FBXL13: variants seen among roughly 807,000 people sequenced by gnomAD.
FBXL13 encodes the protein F-box and leucine rich repeat protein 13.
FBXL13 carries 67 observed loss-of-function variants against 83.6 expected under a neutral mutation model. The observed-to-expected ratio is 0.80, with a 90% CI of 0.66 to 0.98. The LOEUF is 0.98. FBXL13 is among the 50% of genes least tolerant of loss of function. FBXL13 has a pLI of 0.00. For missense variants in FBXL13, 822 were observed against 866.5 expected (o/e 0.95, Z 0.64); for synonymous variants, 272 against 299.5 (o/e 0.91, Z 0.95).
intron 8 of FBXL13, among the ~76,000 whole-genome samples, chr7:102,932,605 A>G (rs1263687559): frequency 6.6e-6 from 1 of 152,214 alleles, no homozygotes; most frequent in Non-Finnish European, 1.5e-5. Flanking sequence ...CGTTTTTTTG[A>G]GACAGTTGAG....
At chr7:102,851,856 T>A (rs1024655694) in intron 17 of FBXL13, among the ~76,000 whole-genome samples, 31 of 152,228 alleles carry the variant, frequency 2.0e-4, no homozygotes, top group African/African-American at 7.2e-4. Context: ...TAAGATTAGG[T>A]CTAGGAATTT....
At chr7:102,842,082 T>C (rs759192106) in intron 17 of FBXL13, among the ~76,000 whole-genome samples, 1 of 152,188 alleles carries the variant, frequency 6.6e-6, no homozygotes, top group African/African-American at 2.4e-5. Context: ...ACCTGGAGTA[T>C]TGGATGAGAA....
At chr7:102,926,225 T>A in intron 10 of FBXL13, 49 bp downstream of exon 11, 2 of 1,527,448 alleles carry the variant, frequency 1.3e-6, no homozygotes, top group Non-Finnish European at 1.8e-6. Flanking sequence ...AGCCAGAGAC[T>A]TTGGGAGCAT....
At chr7:102,912,497 G>T (rs181736593) in intron 11 of FBXL13, among the ~76,000 whole-genome samples, 21 of 152,258 alleles carry the variant, frequency 1.4e-4, no homozygotes, top group African/African-American at 5.1e-4. Context: ...CCTATCCTCT[G>T]CAACTTGATC....
exon 1 of FBXL13, chr7:103,074,322 A>G: frequency 9.8e-7 from 1 of 1,021,122 alleles, no homozygotes; most frequent in South Asian, 3.8e-5. Flanking sequence ...TCATAATGCC[A>G]GTCTGCTGAT....
chr7:102,842,609 G>C (rs1435272079), intron 17 of FBXL13, among the ~76,000 whole-genome samples: 1 of 152,216 alleles, frequency 6.6e-6, no homozygotes, highest in South Asian at 2.1e-4. Flanking sequence ...AGTTCTTGCT[G>C]TTAGAGCACA....
chr7:102,910,790 ACT>A (rs955309393), intron 11 of FBXL13, among the ~76,000 whole-genome samples: 19 of 152,124 alleles, frequency 1.2e-4, no homozygotes, highest in African/African-American at 4.6e-4. Context: ...GCAAGGTCTC[ACT>A]CTGTCTCCCA....
rs536088148 is a variant in FBXL13, at chr7:103,055,239, T to G, written c.-1+405A>C. Reference sequence around the variant, plus strand: ...TTCATTAATTAGTTAGTTCCGTAATTAAATCAGTGATTCTTGTAGGTGGAA... The same window carrying G: ...TTCATTAATTAGTTAGTTCCGTAATGAAATCAGTGATTCTTGTAGGTGGAA... On this transcript the variant is annotated intron_variant, in intron 2 of 19. Coordinates refer to ENST00000313221, the Ensembl canonical transcript of FBXL13. 1.8e-4 allele frequency: 159 copies of G among 888,802 alleles called. No homozygotes were observed. In the African/African-American group the frequency reaches 2.6e-3, roughly 15 times the overall value. 55.1% of individuals were successfully genotyped at this position (888,802 alleles called of 1,614,324 possible). A position where few individuals can be genotyped will look rare whatever the true frequency, so the allele number is the denominator to read the frequency against.
upstream of FBXL13, chr7:103,074,665 G>A (rs1363897926): frequency 4.7e-6 from 6 of 1,285,012 alleles, no homozygotes; most frequent in Non-Finnish European, 6.1e-6. Flanking sequence ...CCCACCGACG[G>A]TCTGTGTCCG....
At chr7:102,911,161 C>A (rs1262057667) in intron 11 of FBXL13, among the ~76,000 whole-genome samples, 1 of 152,224 alleles carries the variant, frequency 6.6e-6, no homozygotes, top group Admixed American at 6.5e-5. Context: ...CATCTTGCTT[C>A]ACCTCCTCCA....
intron 11 of FBXL13, among the ~76,000 whole-genome samples, chr7:102,910,486 C>T (rs568178206): frequency 5.3e-5 from 8 of 151,604 alleles, no homozygotes; most frequent in Non-Finnish European, 1.2e-4. Flanking sequence ...TGTGCTTCAG[C>T]GTGGCTCGGG....
At chr7:103,018,159 G>A (rs572345742) in intron 6 of FBXL13, among the ~76,000 whole-genome samples, 1 of 152,226 alleles carries the variant, frequency 6.6e-6, no homozygotes, top group Admixed American at 6.5e-5. Flanking sequence ...AAGAGAGTGG[G>A]GGCCAATATT....
chr7:103,062,835 G>A (rs1447709502), intron 1 of FBXL13, among the ~76,000 whole-genome samples: 4 of 152,142 alleles, frequency 2.6e-5, no homozygotes, highest in African/African-American at 9.7e-5. Context: ...ACAAGCTCAG[G>A]CTAGGGACAG....
intron 2 of FBXL13, among the ~76,000 whole-genome samples, chr7:103,052,760 T>TC (rs2129495476): frequency 6.8e-6 from 1 of 147,652 alleles, no homozygotes; most frequent in African/African-American, 2.6e-5. Context: ...CCTTTTCTTT[T>TC]TTTTTTTTTT....
rs75400151 is a variant in FBXL13, at chr7:102,865,249, C to T, written c.1636-10389G>A. On this transcript the variant is annotated intron_variant, in intron 16 of 19. Transcript: ENST00000313221. The stretch of plus-strand genomic sequence containing the variant: ...TTGGAATTCTTTGAATCAGGGTTTA[C>T]ATTTCACATGCTTCTTTCTGAAAGA... 7.8e-4 allele frequency among the ~76,000 whole-genome samples: 119 copies of T among 152,340 alleles called. 1 individual carries two copies. Among genetic ancestry groups the T allele is most frequent in the Middle Eastern group, 6.8e-3 (2 of 294 alleles).
chr7:103,029,342 C>T lies in FBXL13; in HGVS notation c.68+9G>A. ...AAAGAGGAAGAAATTGTAAAAATCA[C>T]ATTCTTACCAAAAATGAGTCTTTAC... On this transcript the variant is annotated intron_variant, in intron 3 of 19. Coordinates refer to ENST00000313221, the Ensembl canonical transcript of FBXL13. 1 of 1,515,174 alleles carries T rather than the reference C, an allele frequency of 6.6e-7. No homozygotes were observed. The highest frequency in any genetic ancestry group is 8.9e-7 in the Non-Finnish European group (1 of 1,118,394). 93.9% of individuals were successfully genotyped at this position (1,515,174 alleles called of 1,614,324 possible). A position where few individuals can be genotyped will look rare whatever the true frequency, so the allele number is the denominator to read the frequency against.
intron 6 of FBXL13, among the ~76,000 whole-genome samples, chr7:102,982,612 C>T (rs1309290582): frequency 6.6e-6 from 1 of 152,122 alleles, no homozygotes; most frequent in Non-Finnish European, 1.5e-5. Flanking sequence ...AGCATGGACC[C>T]ATTGAGGCAT....
At chr7:103,055,993 C>A (rs1333656591) in intron 1 of FBXL13, among the ~76,000 whole-genome samples, 1 of 151,886 alleles carries the variant, frequency 6.6e-6, no homozygotes, top group African/African-American at 2.4e-5. Flanking sequence ...GTCTTTCATC[C>A]CTCAAACCCC....
chr7:103,021,723 C>G (rs1793198810), intron 6 of FBXL13, among the ~76,000 whole-genome samples: 1 of 152,146 alleles, frequency 6.6e-6, no homozygotes, highest in Non-Finnish European at 1.5e-5. Context: ...CCAACAGACA[C>G]ATGAAAAAAT....
Sources: gnomAD v4.1 joint callset for allele counts (sites outside exome capture counted in the v4.1 genomes callset) on GRCh38, gnomAD v4.1.1 for gene constraint, MANE v1.5 for transcripts, NCBI Gene and HGNC (gene_info 2026-07-23, HGNC 2026-07-21) for gene names.